FRMD6: variants seen among roughly 807,000 people sequenced by gnomAD.
The protein encoded by FRMD6 is FERM domain containing 6.
FRMD6 carries 37 observed loss-of-function variants against 73.2 expected under a neutral mutation model. The ratio of observed to expected loss-of-function variants is 0.51; its 90% confidence interval spans 0.39 to 0.66. FRMD6 has a LOEUF of 0.66. FRMD6 is among the 30% of genes least tolerant of loss of function. The pLI is 0.00. For synonymous variants in FRMD6, 273 were observed against 282.2 expected (o/e 0.97, Z 0.33); for missense variants, 714 against 780.5 (o/e 0.91, Z 1.02).
At chr14:51,436,698 A>G in the FRMD6 span, 6 of 529,750 alleles carry the variant, frequency 1.1e-5, no homozygotes, top group Admixed American at 2.6e-5. Context: ...GAGGTCATCA[A>G]AGATGATATT....
At position 51,704,914 on chromosome 14, in the gene FRMD6, A is replaced by G. The variant is rs752430604; in HGVS notation, c.537A>G (p.Pro179=). Residue 179 remains proline (P), a synonymous_variant, in exon 6 of 14, where the codon CCA becomes CCG. Coordinates refer to ENST00000344768, the MANE Select transcript of FRMD6 (RefSeq NM_001267046.2). ...RNKHYGKYFE[P]EAYFPSWVVS... Reference sequence around the variant, plus strand: ...AGCACTATGGAAAATACTTCGAGCCAGAGGCTTACTTCCCATCTTGGGTAA... The same window carrying G: ...AGCACTATGGAAAATACTTCGAGCCGGAGGCTTACTTCCCATCTTGGGTAA... 4.3e-6 allele frequency: 7 copies of G among 1,609,332 alleles called. No homozygotes were observed. The Admixed American group carries it at 6.7e-5, about 15-fold the overall frequency.
At chr14:51,488,339 C>G (rs113178304), upstream of FRMD6, among the ~76,000 whole-genome samples, 361 of 152,286 alleles carry the variant, frequency 2.4e-3, no homozygotes, top group Non-Finnish European at 3.7e-3. Context: ...AGTTTTGATA[C>G]AAAAACAAGA....
chr14:51,725,851 G>A lies in FRMD6; in HGVS notation c.1565G>A (p.Ser522Asn). 1.2e-6 allele frequency: 2 copies of A among 1,613,118 alleles called. No individual in the cohort carries two copies. The highest frequency in any genetic ancestry group is 1.1e-5 in the South Asian group (1 of 91,072). The change falls in exon 13 of 14, where the codon AGT becomes AAT. Residue 522 changes from serine (S) to asparagine (N), a missense_variant. Physicochemically the swap from Ser to Asn is conservative, Grantham distance 46. Transcript: ENST00000344768. The part of the protein sequence containing the change: ...SETVVKLRGQ[S>N]TDSLPQTICR... ...ACAGTTGTTAAGCTTCGTGGCCAGA[G>A]TACTGATTCTCTTCCACAGGTATTA...
intron 1 of FRMD6, among the ~76,000 whole-genome samples, chr14:51,506,016 T>A (rs1883942901): frequency 6.6e-6 from 1 of 152,134 alleles, no homozygotes; most frequent in Admixed American, 6.6e-5. Context: ...TGTAACAATC[T>A]GCCATAGCTA....
At chr14:51,724,837 C>T (rs533567475) in intron 12 of FRMD6, among the ~76,000 whole-genome samples, 4 of 152,070 alleles carry the variant, frequency 2.6e-5, no homozygotes, top group African/African-American at 9.6e-5. Flanking sequence ...TTCACTTACA[C>T]CTCTAGTTCT....
At chr14:51,434,834 T>C in the FRMD6 span, among the ~76,000 whole-genome samples, 588 of 152,344 alleles carry the variant, frequency 3.9e-3, 2 homozygotes, top group East Asian at 8.7e-3. Context: ...CCTAATATTG[T>C]GTATTTCTTG....
At chr14:51,516,945 A>G (rs10138834) in intron 1 of FRMD6, among the ~76,000 whole-genome samples, 1 of 152,150 alleles carries the variant, frequency 6.6e-6, no homozygotes, top group Non-Finnish European at 1.5e-5. Context: ...GGTGACTTTA[A>G]TCTAGAACTT....
intron 2 of FRMD6, among the ~76,000 whole-genome samples, chr14:51,622,687 G>A (rs917434402): frequency 3.3e-5 from 5 of 152,144 alleles, no homozygotes; most frequent in Admixed American, 6.5e-5. Context: ...CTTATTCCTA[G>A]TATCCTAAAG....
chr14:51,721,753 A>AGGAAGGAAGGAAGGAAGGAGGGAAGGAG (rs1566598530), intron 11 of FRMD6, among the ~76,000 whole-genome samples, 196 bp from the exon 12 acceptor site: 2 of 108,788 alleles, frequency 1.8e-5, no homozygotes, highest in African/African-American at 7.0e-5. Flanking sequence ...GAAGGGAGGA[A>AGGAAGGAAGGAAGGAAGGAGGGAAGGAG]GGAAGGAGGG....
the FRMD6 span, among the ~76,000 whole-genome samples, chr14:51,445,180 T>G: frequency 5.1e-4 from 77 of 152,152 alleles, 1 homozygote; most frequent in Admixed American, 1.3e-4. Context: ...GATGAATGGT[T>G]CCTTCTGTAG....
intron 1 of FRMD6, chr14:51,547,610 G>A (rs1886548608): frequency 6.6e-6 from 1 of 152,178 alleles, no homozygotes; most frequent in South Asian, 2.1e-4. Context: ...ATTGAGTATG[G>A]AGTGATTTAA....
chr14:51,702,585 T>G lies in FRMD6; in HGVS notation c.368T>G (p.Ile123Ser). Residue 123 changes from isoleucine (I) to serine (S), a missense_variant, in exon 5 of 14, where the codon ATC becomes AGC. Ile to Ser is a moderately radical substitution (Grantham distance 142, BLOSUM62 -2). Coordinates refer to ENST00000344768, the MANE Select transcript of FRMD6 (RefSeq NM_001267046.2). ...TACTATGTGGAAAATGGCAGATTGATCAGGTAAGAGGACAGGGGGTGATTC... is the reference window on the plus strand; with the variant it reads ...TACTATGTGGAAAATGGCAGATTGAGCAGGTAAGAGGACAGGGGGTGATTC... The part of the protein sequence containing the change: ...VQYYVENGRL[I>S]SDRAARYYYY... 1 of 1,611,398 alleles carries G rather than the reference T, an allele frequency of 6.2e-7. No individual in the cohort carries two copies. The highest frequency in any genetic ancestry group is 8.5e-7 in the Non-Finnish European group (1 of 1,178,084).
rs763661307 is a variant in FRMD6, at chr14:51,708,056, C to A, written c.559-22C>A. On this transcript the variant is annotated intron_variant, in intron 6 of 13. Coordinates refer to ENST00000344768, the MANE Select transcript of FRMD6 (RefSeq NM_001267046.2). ...CATCTCTCCAACAAATGTTGCATTG[C>A]ACACCCCTTGTATCCCAACAGGTTG... 3 of 1,611,104 alleles carry A rather than the reference C, an allele frequency of 1.9e-6. No individual in the cohort carries two copies. In the East Asian group the frequency reaches 6.7e-5, roughly 36 times the overall value.
the FRMD6 span, among the ~76,000 whole-genome samples, chr14:51,476,392 A>C: frequency 1.9e-4 from 29 of 152,220 alleles, 1 homozygote; most frequent in South Asian, 5.8e-3. Context: ...AGCAGGAGAG[A>C]CCCCAACCTA....
the FRMD6 span, among the ~76,000 whole-genome samples, chr14:51,405,079 A>C: frequency 6.6e-6 from 1 of 152,132 alleles, no homozygotes; most frequent in Non-Finnish European, 1.5e-5. Context: ...TTCCAGCTTC[A>C]TCCATGTTTC....
chr14:51,430,623 CA>C, the FRMD6 span, among the ~76,000 whole-genome samples: 421 of 150,428 alleles, frequency 2.8e-3, 2 homozygotes, highest in African/African-American at 9.9e-3. Context: ...CAAAAAACAA[CA>C]AAAAAAACCC....
intron 2 of FRMD6, among the ~76,000 whole-genome samples, chr14:51,620,689 C>T (rs1431035460): frequency 6.6e-6 from 1 of 152,150 alleles, no homozygotes; most frequent in Non-Finnish European, 1.5e-5. Context: ...ATGTCTTTGG[C>T]TTGTTGAGCA....
intron 1 of FRMD6, among the ~76,000 whole-genome samples, chr14:51,654,102 G>T (rs74052652): frequency 1.3e-5 from 2 of 152,054 alleles, no homozygotes; most frequent in African/African-American, 2.4e-5. Flanking sequence ...CTTTTTGGGG[G>T]CAACAAGGGT....
At chr14:51,644,349 C>A (rs1459057009) in intron 2 of FRMD6, among the ~76,000 whole-genome samples, 2 of 130,604 alleles carry the variant, frequency 1.5e-5, no homozygotes, top group African/African-American at 2.9e-5. Context: ...CTCTGCCTCA[C>A]CCTTCACACA....
Sources: gnomAD v4.1 joint callset for allele counts (sites outside exome capture counted in the v4.1 genomes callset) on GRCh38, gnomAD v4.1.1 for gene constraint, MANE v1.5 for transcripts, NCBI Gene and HGNC (gene_info 2026-07-23, HGNC 2026-07-21) for gene names.